UMODL1: variants seen among roughly 807,000 people sequenced by gnomAD.
UMODL1 encodes the protein uromodulin like 1, also known as uromodulin-like 1.
Under a neutral mutation model 136.3 loss-of-function variants are expected in UMODL1, and 128 were observed. The ratio of observed to expected loss-of-function variants is 0.94; its 90% CI spans 0.81 to 1.09. The LOEUF (loss-of-function observed/expected upper bound fraction) is 1.09, where lower values mean the gene tolerates loss of function less well. UMODL1 is among the 50% of genes least tolerant of loss of function. The probability of loss-of-function intolerance (pLI) is 0.00; values close to 1 mark genes in which losing one functional copy is unlikely to be tolerated. For synonymous variants in UMODL1, 721 were observed against 720.0 expected (o/e 1.00, Z -0.02); for missense variants, 1,766 against 1,725.6 (o/e 1.02, Z -0.41).
At chr21:42,080,849 T>G (rs549176568) in intron 2 of UMODL1, among the ~76,000 whole-genome samples, 1 of 152,386 alleles carries the variant, frequency 6.6e-6, no homozygotes, top group South Asian at 2.1e-4. Context: ...CCTGTGAACA[T>G]GACTCCACTG....
chr21:42,073,007 AGTGTGTGTGTGTGTGCGCGCGCGCGT>A (rs796806408), intron 1 of UMODL1, among the ~76,000 whole-genome samples: 1 of 151,000 alleles, frequency 6.6e-6, no homozygotes, highest in Non-Finnish European at 1.5e-5. Context: ...ACAGGAGATG[AGTGTGTGTGTGTGTGCGCGCGCGCGT>A]GTGTGTGTGT....
intron 6 of UMODL1, among the ~76,000 whole-genome samples, chr21:42,097,400 T>C (rs2066571123): frequency 1.3e-5 from 2 of 152,072 alleles, no homozygotes; most frequent in African/African-American, 2.4e-5. Context: ...CAGTCTCAGG[T>C]TGGAAGGAGG....
At chr21:42,105,994 T>C (rs1038956139) in intron 9 of UMODL1, among the ~76,000 whole-genome samples, 1 of 152,182 alleles carries the variant, frequency 6.6e-6, no homozygotes, top group African/African-American at 2.4e-5. Flanking sequence ...CCCGGCAGGG[T>C]CCCGGGCAGG....
intron 21 of UMODL1, among the ~76,000 whole-genome samples, chr21:42,134,415 GC>G (rs1201712189): frequency 6.6e-6 from 1 of 152,072 alleles, no homozygotes; most frequent in East Asian, 1.9e-4. Flanking sequence ...ATGTCCCTGT[GC>G]TAAAAGGCCA....
At chr21:42,068,279 A>G (rs2066199541), upstream of UMODL1, among the ~76,000 whole-genome samples, 1 of 152,180 alleles carries the variant, frequency 6.6e-6, no homozygotes, top group African/African-American at 2.4e-5. The surrounding 1 kb of genome is among the most constrained non-coding windows in gnomAD (Gnocchi z 5.5). Context: ...AGTCACCCGG[A>G]TGCCGGGGGG....
intron 20 of UMODL1, among the ~76,000 whole-genome samples, chr21:42,128,538 C>T (rs1478901667): frequency 1.3e-5 from 2 of 151,580 alleles, no homozygotes. Context: ...TGAGCGTCTG[C>T]AGGACGTGGA....
At position 42,085,577 on chromosome 21, in the gene UMODL1, CT is replaced by C. The variant is rs1195609630; in HGVS notation, c.603+167del. 1 of 1,082,478 alleles carries C rather than the reference CT, an allele frequency of 9.2e-7. No individual in the cohort carries two copies. Among genetic ancestry groups the C allele is most frequent in the African/African-American group, 1.6e-5 (1 of 63,514 alleles). 67.1% of individuals were successfully genotyped at this position (1,082,478 alleles called of 1,614,324 possible). A position where few individuals can be genotyped will look rare whatever the true frequency, so the allele number is the denominator to read the frequency against. On this transcript the variant is annotated intron_variant, in intron 4 of 22. Transcript: ENST00000408910. The surrounding 1 kb of genome is among the most constrained non-coding windows in gnomAD (Gnocchi z 4.5). ...GAAATTCTAGTTCTTAAAAAATCAG[CT>C]TCAAAGAGGTATGATTTACATGCAA... is the stretch of plus-strand genomic sequence containing the variant.
intron 7 of UMODL1, among the ~76,000 whole-genome samples, chr21:42,100,455 C>T (rs563419310): frequency 7.2e-5 from 11 of 152,100 alleles, no homozygotes; most frequent in South Asian, 2.1e-4. Flanking sequence ...GCAGCCAGCA[C>T]GGGCATCCAG....
chr21:42,091,252 G>A (rs936160490), intron 6 of UMODL1, among the ~76,000 whole-genome samples: 6 of 152,212 alleles, frequency 3.9e-5, no homozygotes, highest in East Asian at 1.9e-4. Flanking sequence ...ACATTTTGGC[G>A]CATGAAAGGG....
chr21:42,122,118 G>A lies in UMODL1; in HGVS notation c.2828-713G>A, dbSNP rs1392017727. 6.6e-6 allele frequency among the ~76,000 whole-genome samples: 1 copy of A among 152,156 alleles called. No homozygotes were observed. The highest frequency in any genetic ancestry group is 1.5e-5 in the Non-Finnish European group (1 of 68,024). On this transcript the variant is annotated intron_variant, in intron 16 of 22. Transcript: ENST00000408910. This position sits in a 1 kb window ranked among gnomAD's most constrained non-coding sequence, Gnocchi z 4.3. ...GGTGGAGCTGCAGGGTGCTGGGGCT[G>A]GGCAAGCCCCACTCTGAGATAAAAG... is the stretch of plus-strand genomic sequence containing the variant.
Position 42,119,131 on chromosome 21 carries a change from C to T in UMODL1, c.2496C>T (p.Ala832=). Reference sequence around the variant, plus strand: ...CGCAGGTGCGGGGCTCCCTGCCAGCCACCATGTGTCAGCACATGGACGCTG... The same window carrying T: ...CGCAGGTGCGGGGCTCCCTGCCAGCTACCATGTGTCAGCACATGGACGCTG... The part of the protein sequence containing the change: ...FFRMVRGSLP[A]TMCQHMDAGG... The change falls in exon 15 of 23, where the codon GCC becomes GCT. Residue 832 remains alanine (A), a synonymous_variant. Transcript: ENST00000408910. 6.2e-7 allele frequency: 1 copy of T among 1,613,214 alleles called. No individual in the cohort carries two copies.
chr21:42,137,819 G>C (rs1002831852), intron 22 of UMODL1, among the ~76,000 whole-genome samples, 178 bp downstream of exon 22: 1 of 145,076 alleles, frequency 6.9e-6, no homozygotes, highest in African/African-American at 2.5e-5. Context: ...GGTGCGGAGT[G>C]GGGGCATCTG....
At chr21:42,107,717 G>T (rs1377135287) in intron 9 of UMODL1, among the ~76,000 whole-genome samples, 1 of 152,136 alleles carries the variant, frequency 6.6e-6, no homozygotes, top group Non-Finnish European at 1.5e-5. Flanking sequence ...GACAGCTCAT[G>T]GTCCAACTGA....
At chr21:42,106,659 G>A (rs2066724434) in intron 9 of UMODL1, among the ~76,000 whole-genome samples, 1 of 152,206 alleles carries the variant, frequency 6.6e-6, no homozygotes, top group Admixed American at 6.5e-5. Flanking sequence ...TGGGAGGCCT[G>A]GAGGCTGAGC....
At position 42,142,970 on chromosome 21, in the gene UMODL1, T is replaced by G. The variant is rs2067302644; in HGVS notation, c.*896T>G. 1 of 152,238 alleles carries G rather than the reference T, an allele frequency of 6.6e-6. No individual in the cohort carries two copies. The highest frequency in any genetic ancestry group is 2.1e-4 in the South Asian group (1 of 4,836). 9.4% of individuals were successfully genotyped at this position (152,238 alleles called of 1,614,324 possible). A position where few individuals can be genotyped will look rare whatever the true frequency, so the allele number is the denominator to read the frequency against. ...ATAATGCTCTGTACTTCATTTGAAA[T>G]AAACTGGAATTGTATTAGATAGCTC... On this transcript the variant is annotated 3_prime_UTR_variant, in exon 23 of 23. Transcript: ENST00000408910.
chr21:42,091,548 A>C (rs1382222093), intron 6 of UMODL1, among the ~76,000 whole-genome samples: 3 of 152,172 alleles, frequency 2.0e-5, no homozygotes, highest in Non-Finnish European at 4.4e-5. Context: ...TAGGGTGTGG[A>C]AGGTGGTGGA....
At position 42,137,429 on chromosome 21, in the gene UMODL1, C is replaced by G; in HGVS notation, c.3776-10C>G. 6.2e-7 allele frequency: 1 copy of G among 1,613,750 alleles called. No individual in the cohort carries two copies. The highest frequency in any genetic ancestry group is 8.5e-7 in the Non-Finnish European group (1 of 1,179,856). The stretch of plus-strand genomic sequence containing the variant: ...GCAGATCTCTCACCTGTGCCTGTCT[C>G]CTCCCCGAGGTGAGCCTCCTCATGC... On this transcript the variant is annotated splice_polypyrimidine_tract_variant and intron_variant, in intron 21 of 22. Transcript: ENST00000408910.
At chr21:42,072,031 G>C (rs1461284642) in intron 1 of UMODL1, among the ~76,000 whole-genome samples, 2 of 140,342 alleles carry the variant, frequency 1.4e-5, no homozygotes, top group Non-Finnish European at 3.1e-5. Context: ...CTGGGCGGCA[G>C]AGCAAAAGCC....
At position 42,085,493 on chromosome 21, in the gene UMODL1, G is replaced by C. The variant is rs1283697297; in HGVS notation, c.603+81G>C. On this transcript the variant is annotated intron_variant, in intron 4 of 22. Coordinates refer to ENST00000408910, the MANE Select transcript of UMODL1 (RefSeq NM_001004416.3). This position sits in a 1 kb window ranked among gnomAD's most constrained non-coding sequence, Gnocchi z 4.5. ...GACCCAGGTATGGGGCCGTGGAAGG[G>C]ACCTGGGGGTTGGGGAGGGTGATGT... 1 of 1,600,246 alleles carries C rather than the reference G, an allele frequency of 6.2e-7. No individual in the cohort carries two copies. Among genetic ancestry groups the C allele is most frequent in the Admixed American group, 1.7e-5 (1 of 59,356 alleles).
Sources: gnomAD v4.1 joint callset for allele counts (sites outside exome capture counted in the v4.1 genomes callset) on GRCh38, gnomAD v4.1.1 for gene constraint, Gnocchi (gnomAD v3.1) non-coding constraint, MANE v1.5 for transcripts, NCBI Gene and HGNC (gene_info 2026-07-23, HGNC 2026-07-21) for gene names.